WWOX: variants seen among roughly 807,000 people sequenced by gnomAD.
WWOX encodes WW domain containing oxidoreductase, also known as WW domain-containing oxidoreductase.
Under a neutral mutation model 46.2 loss-of-function variants are expected in WWOX, and 69 were observed. That is an observed-to-expected ratio of 1.49 (90% CI 1.23 to 1.82). The LOEUF is 1.82. Among genes scored for constraint, WWOX ranks in the 40% most tolerant of loss-of-function variants. The pLI, the probability that WWOX is intolerant of heterozygous loss-of-function variation, is 0.00. For synonymous variants in WWOX, 359 were observed against 202.6 expected, an observed-to-expected ratio of 1.77 and a Z score of -6.56; for missense variants, 919 against 542.6, an observed-to-expected ratio of 1.69 and a Z score of -6.89.
chr16:79,093,592 G>A (rs2049008442), intron 8 of WWOX, among the ~76,000 whole-genome samples: 1 of 152,110 alleles, frequency 6.6e-6, no homozygotes, highest in Non-Finnish European at 1.5e-5. Context: ...CTTCCCAGCA[G>A]GCCTCCAGTG....
At chr16:78,528,385 C>G (rs539771155) in intron 8 of WWOX, among the ~76,000 whole-genome samples, 3 of 151,882 alleles carry the variant, frequency 2.0e-5, no homozygotes, top group African/African-American at 7.2e-5. Flanking sequence ...AAAGAATTAA[C>G]AGCAGAAGAT....
chr16:78,542,840 A>T (rs1299680185), intron 8 of WWOX, among the ~76,000 whole-genome samples: 2 of 152,130 alleles, frequency 1.3e-5, no homozygotes, highest in Non-Finnish European at 2.9e-5. Flanking sequence ...TTGAGATGGG[A>T]TTCTCAGTTA....
At chr16:78,149,272 T>A (rs1443864603) in intron 4 of WWOX, among the ~76,000 whole-genome samples, 2 of 152,186 alleles carry the variant, frequency 1.3e-5, no homozygotes, top group Admixed American at 1.3e-4. Flanking sequence ...TAAAGATCAT[T>A]TTTTACTGGT....
chr16:78,698,539 T>C (rs2048147359), intron 8 of WWOX, among the ~76,000 whole-genome samples: 1 of 152,258 alleles, frequency 6.6e-6, no homozygotes, highest in Non-Finnish European at 1.5e-5. Flanking sequence ...TAGAATAATG[T>C]TTCATCTCAT....
At chr16:78,959,172 A>G (rs76961065) in intron 8 of WWOX, among the ~76,000 whole-genome samples, 5 of 152,236 alleles carry the variant, frequency 3.3e-5, no homozygotes, top group East Asian at 1.9e-4. Flanking sequence ...TAAAATATCA[A>G]TGGGCCATCT....
At position 78,811,503 on chromosome 16, in the gene WWOX, T is replaced by G. The variant is rs546316463; in HGVS notation, c.1056+378751T>G. Among the ~76,000 whole-genome samples the G allele has an allele frequency of 1.3e-3, 191 of 152,066 alleles. 1 individual carries two copies. Among genetic ancestry groups the G allele is most frequent in the Middle Eastern group, 3.4e-3 (1 of 294 alleles). ...TTTCTCTCTCCCTCCCTCTTTCTTT[T>G]CTTTCTTTTTCCTTTTTCTCTCTCT... On this transcript the variant is annotated intron_variant, in intron 8 of 8. Transcript: ENST00000566780.
chr16:78,803,614 T>A lies in WWOX; in HGVS notation c.1056+370862T>A, dbSNP rs183745726. 9.1e-4 allele frequency among the ~76,000 whole-genome samples: 139 copies of A among 152,138 alleles called. 1 individual carries two copies. The highest frequency in any genetic ancestry group is 1.5e-3 in the Non-Finnish European group (104 of 68,016). Reference sequence around the variant, plus strand: ...AGGCATATACCACCATACCTGGACATGTTTTTAACTTTAATTTTTATTTTT... The same window carrying A: ...AGGCATATACCACCATACCTGGACAAGTTTTTAACTTTAATTTTTATTTTT... On this transcript the variant is annotated intron_variant, in intron 8 of 8. Coordinates refer to ENST00000566780, the MANE Select transcript of WWOX (RefSeq NM_016373.4).
intron 8 of WWOX, among the ~76,000 whole-genome samples, chr16:78,613,256 C>A (rs2045942178): frequency 6.6e-6 from 1 of 152,162 alleles, no homozygotes; most frequent in African/African-American, 2.4e-5. Context: ...TCTACCTTCT[C>A]CGGGCCTAGG....
At chr16:78,858,319 C>CAT (rs1045491396) in intron 8 of WWOX, among the ~76,000 whole-genome samples, 6 of 96,018 alleles carry the variant, frequency 6.2e-5, no homozygotes, top group Non-Finnish European at 8.5e-5. Context: ...AATATGTAGT[C>CAT]ATATATATAT....
At chr16:78,556,200 G>C (rs2044292277) in intron 8 of WWOX, among the ~76,000 whole-genome samples, 1 of 151,390 alleles carries the variant, frequency 6.6e-6, no homozygotes. Flanking sequence ...GCAAATGCCA[G>C]CCTATCGTGC....
At chr16:79,206,742 T>C (rs1052830596) in intron 8 of WWOX, 10 of 152,240 alleles carry the variant, frequency 6.6e-5, no homozygotes, top group African/African-American at 2.2e-4. Context: ...AATTGAATTG[T>C]ATAATTTCAT....
intron 7 of WWOX, among the ~76,000 whole-genome samples, chr16:78,427,019 G>C (rs989806367): frequency 6.6e-6 from 1 of 152,194 alleles, no homozygotes; most frequent in African/African-American, 2.4e-5. Context: ...AGGCTGGCTT[G>C]TGTATTACCT....
At chr16:78,644,324 A>G (rs1165923069) in intron 8 of WWOX, among the ~76,000 whole-genome samples, 1 of 152,204 alleles carries the variant, frequency 6.6e-6, no homozygotes, top group Admixed American at 6.5e-5. Flanking sequence ...ACAGATGGAC[A>G]GACACCTACC....
chr16:78,654,157 C>G (rs1455503732), intron 8 of WWOX, among the ~76,000 whole-genome samples: 1 of 152,194 alleles, frequency 6.6e-6, no homozygotes, highest in African/African-American at 2.4e-5. Flanking sequence ...GATTTAGAAT[C>G]AGAAAGTGTG....
intron 8 of WWOX, among the ~76,000 whole-genome samples, chr16:78,500,291 T>G (rs929586772): frequency 1.3e-5 from 2 of 152,144 alleles, no homozygotes; most frequent in Non-Finnish European, 1.5e-5. Context: ...GGTTCCTAAG[T>G]CTCCATTCCG....
intron 8 of WWOX, chr16:78,534,981 G>C (rs1484669195): frequency 6.6e-6 from 1 of 152,144 alleles, no homozygotes; most frequent in East Asian, 1.9e-4. Context: ...CAAAGTGCTG[G>C]GATGACAGGC....
intron 5 of WWOX, among the ~76,000 whole-genome samples, chr16:78,306,184 C>G (rs7195600): frequency 0.019 from 2,833 of 152,106 alleles, 93 homozygotes; most frequent in African/African-American, 0.064. Flanking sequence ...CTTCTTCATC[C>G]AAAGAAAGAA....
At position 78,382,248 on chromosome 16, in the gene WWOX, G is replaced by A. The variant is rs550973726; in HGVS notation, c.517-4612G>A. Among the ~76,000 whole-genome samples the A allele has an allele frequency of 1.9e-4, 29 of 152,292 alleles. 1 individual carries two copies. The highest frequency in any genetic ancestry group is 4.0e-4 in the Non-Finnish European group (27 of 68,034). ...TTGCACCTTCTAGAAGCTAGGCACA[G>A]CCACATGACTTTGTCAAGGAAATGT... On this transcript the variant is annotated intron_variant, in intron 5 of 8. Transcript: ENST00000566780.
chr16:78,803,651 G>A (rs899263671), intron 8 of WWOX, among the ~76,000 whole-genome samples: 22 of 151,922 alleles, frequency 1.4e-4, no homozygotes, highest in African/African-American at 5.1e-4. Flanking sequence ...TAGAGATGTG[G>A]TCTCCCTATG....
Sources: allele counts gnomAD v4.1 joint callset (sites outside exome capture counted in the v4.1 genomes callset), GRCh38; gene constraint gnomAD v4.1.1; transcripts MANE v1.5; gene names NCBI Gene and HGNC (gene_info 2026-07-23, HGNC 2026-07-21).